The following NMS variants were observed in gnomAD, a reference collection of about 807,000 sequenced individuals.
NMS encodes neuromedin S, also known as neuromedin-S.
A neutral mutation model predicts 32.2 loss-of-function variants in NMS; 30 were observed. The observed-to-expected ratio is 0.93, with a 90% CI of 0.70 to 1.26. The LOEUF (loss-of-function observed/expected upper bound fraction) is 1.26. NMS is among the 50% of genes most tolerant of loss of function. NMS has a pLI of 0.00. For synonymous variants in NMS, 76 were observed against 58.5 expected (o/e 1.30, Z -1.37); for missense variants, 190 against 186.3 (o/e 1.02, Z -0.12).
At chr2:100,474,822 T>C (rs925429397) in intron 3 of NMS, among the ~76,000 whole-genome samples, 1 of 152,238 alleles carries the variant, frequency 6.6e-6, no homozygotes, top group Non-Finnish European at 1.5e-5. Flanking sequence ...ACTATGCATA[T>C]GTTTGAAGGC....
intron 4 of NMS, 21 bp from the exon 5 acceptor site, chr2:100,477,340 T>C (rs1677131060): frequency 6.2e-7 from 1 of 1,612,460 alleles, no homozygotes; most frequent in South Asian, 1.1e-5. Flanking sequence ...GATACTAATA[T>C]CACTTTCTTT....
intron 9 of NMS, 141 bp from the exon 10 acceptor site, chr2:100,483,111 G>A: frequency 1.4e-6 from 1 of 712,528 alleles, no homozygotes; most frequent in South Asian, 1.9e-5. Flanking sequence ...ACTGATTGTG[G>A]GGAAAGCAAC....
chr2:100,478,387 G>GA (rs1056771598), intron 5 of NMS, among the ~76,000 whole-genome samples: 2 of 152,116 alleles, frequency 1.3e-5, no homozygotes, highest in Non-Finnish European at 2.9e-5. Context: ...AAATAACCAG[G>GA]AAAAAAATGT....
At chr2:100,480,419 G>A in intron 6 of NMS, 77 bp from the exon 7 acceptor site, 2 of 1,442,552 alleles carry the variant, frequency 1.4e-6, no homozygotes, top group South Asian at 1.2e-5. Context: ...AGGCAGGGAG[G>A]GCAGGATCAC....
rs17024405 is a variant in NMS, at chr2:100,482,253, A to G, written c.415-24A>G. The G allele has an allele frequency of 7.2e-3, 11,628 of 1,612,558 alleles. 668 individuals carry two copies. In the African/African-American group the frequency reaches 0.13, roughly 18 times the overall value. ...TGCAGAAAGTTGTGTCTCAGTATTC[A>G]TAAGTTGCTCCTTTTTTTTTCAGCC... is the stretch of plus-strand genomic sequence containing the variant. On this transcript the variant is annotated intron_variant, in intron 8 of 9. Transcript: ENST00000376865.
Position 100,477,260 on chromosome 2 carries a change from A to T in NMS, c.200A>T (p.Tyr67Phe), listed in dbSNP as rs1303378158. The stretch of plus-strand genomic sequence containing the variant: ...TCTTTCCAGGATAATCAAGACATAT[A>T]CAAAAGGGTGAGTACCACCTAGCCC... The part of the protein sequence containing the change: ...SRQPKDNQDI[Y>F]KRFLFHYSRT... Residue 67 changes from tyrosine (Y) to phenylalanine (F), a missense_variant, in exon 4 of 10, where the codon TAC becomes TTC. Coordinates refer to ENST00000376865, the MANE Select transcript of NMS (RefSeq NM_001011717.1). 18 of 1,613,552 alleles carry T rather than the reference A, an allele frequency of 1.1e-5. No homozygotes were observed. Among genetic ancestry groups the T allele is most frequent in the Non-Finnish European group, 1.5e-5 (18 of 1,179,600 alleles).
At chr2:100,478,652 C>T (rs1405066380) in intron 5 of NMS, among the ~76,000 whole-genome samples, 5 of 151,622 alleles carry the variant, frequency 3.3e-5, no homozygotes, top group Non-Finnish European at 5.9e-5. Context: ...TTAATAAAGA[C>T]GGGGTTTCAC....
At chr2:100,477,826 G>A (rs1033103968) in intron 5 of NMS, among the ~76,000 whole-genome samples, 1 of 152,152 alleles carries the variant, frequency 6.6e-6, no homozygotes, top group Non-Finnish European at 1.5e-5. Flanking sequence ...TTCCGTGGCT[G>A]TCGCGATGTG....
In NMS at chr2:100,479,375, T is replaced by G. The variant is rs1223350627; in HGVS notation, c.284T>G (p.Met95Arg). 1.9e-6 allele frequency: 3 copies of G among 1,611,146 alleles called. No homozygotes were observed. The highest frequency in any genetic ancestry group is 2.5e-6 in the Non-Finnish European group (3 of 1,178,732). The change falls in exon 6 of 10, where the codon ATG becomes AGG. Residue 95 changes from methionine (M) to arginine (R), a missense_variant. Met to Arg is a moderately conservative substitution (Grantham distance 91). Coordinates refer to ENST00000376865, the MANE Select transcript of NMS (RefSeq NM_001011717.1). ...KTGFPPVHPL[M>R]HLAAKLANRR... ...CAGTTTCCTCCAGTGCATCCTCTAA[T>G]GCACCTGGCTGCCAAGCTCGCCAAC...
In NMS at chr2:100,481,140, C is replaced by G. The variant is rs766239308; in HGVS notation, c.387C>G (p.Thr129=). 7 of 1,614,130 alleles carry G rather than the reference C, an allele frequency of 4.3e-6. No individual in the cohort carries two copies. The highest frequency in any genetic ancestry group is 5.9e-6 in the Non-Finnish European group (7 of 1,179,992). The change falls in exon 8 of 10, where the codon ACC becomes ACG. Residue 129 remains threonine (T), a synonymous_variant. Transcript: ENST00000376865. The part of the protein sequence containing the change: ...VDFTKKDHTA[T]WGRPFFLFRP... ...ATATGTTGCAGGATCACACTGCGACCTGGGGACGACCCTTTTTCCTTTTCA... is the reference window on the plus strand; with the variant it reads ...ATATGTTGCAGGATCACACTGCGACGTGGGGACGACCCTTTTTCCTTTTCA...
intron 7 of NMS, 24 bp from the exon 8 acceptor site, chr2:100,481,102 G>A: frequency 6.2e-7 from 1 of 1,613,654 alleles, no homozygotes; most frequent in Non-Finnish European, 8.5e-7. Flanking sequence ...GTTGCATAAT[G>A]GCTTGTGTTT....
intron 1 of NMS, among the ~76,000 whole-genome samples, chr2:100,471,158 GA>G (rs1236726712): frequency 1.3e-5 from 2 of 152,190 alleles, no homozygotes; most frequent in African/African-American, 4.8e-5. Context: ...AGCTTCTAGG[GA>G]ACAGGGGTGG....
intron 1 of NMS, 119 bp downstream of exon 1, chr2:100,470,683 C>T: frequency 1.2e-6 from 1 of 811,758 alleles, no homozygotes; most frequent in South Asian, 1.4e-5. Context: ...GCCAGACCTT[C>T]TTGATTTCTG....
intron 6 of NMS, among the ~76,000 whole-genome samples, chr2:100,480,249 G>A (rs1482744462): frequency 6.6e-6 from 1 of 152,250 alleles, no homozygotes; most frequent in African/African-American, 2.4e-5. Context: ...GGAGGAGCAA[G>A]CAAACTTAAC....
Position 100,479,425 on chromosome 2 carries a change from C to T in NMS, c.334C>T (p.Arg112Ter), listed in dbSNP as rs547207989. 82 of 1,609,274 alleles carry T rather than the reference C, an allele frequency of 5.1e-5. No individual in the cohort carries two copies. In the South Asian group the frequency reaches 5.2e-4, roughly 10 times the overall value. Residue 112 changes from arginine (R) to a stop codon, truncating the protein, a stop_gained and splice_region_variant, in exon 6 of 10, where the codon CGA (arginine) becomes TGA (stop). Transcript: ENST00000376865. LOFTEE classifies it high-confidence loss of function. ...CAGGCGGATGAAGAGAATTCTGCAGCGAGTACGTGCTTTTATTCTTCCACC... is the reference window on the plus strand; with the variant it reads ...CAGGCGGATGAAGAGAATTCTGCAGTGAGTACGTGCTTTTATTCTTCCACC... ...ANRRMKRILQRGSGTAAVDFT... is the reference protein window; with the variant it reads ...ANRRMKRILQ
chr2:100,477,325 C>T (rs761796241), intron 4 of NMS, 36 bp from the exon 5 acceptor site: 2 of 1,606,344 alleles, frequency 1.2e-6, no homozygotes, highest in African/African-American at 1.3e-5. Flanking sequence ...GAGCAAGTGA[C>T]ACTCGATACT....
At position 100,483,238 on chromosome 2, in the gene NMS, T is replaced by C. The variant is rs1558670777; in HGVS notation, c.450-14T>C. 6.2e-7 allele frequency: 1 copy of C among 1,611,874 alleles called. No individual in the cohort carries two copies. The highest frequency in any genetic ancestry group is 8.5e-7 in the Non-Finnish European group (1 of 1,178,342). ...ATTTGAACTGAGCAGTGCATTTTTC[T>C]TTTCTTTTTTTAGGATTCAGTGGTG... On this transcript the variant is annotated splice_polypyrimidine_tract_variant and intron_variant, in intron 9 of 9. Transcript: ENST00000376865.
At chr2:100,474,165 A>C (rs575680305) in intron 3 of NMS, among the ~76,000 whole-genome samples, 1 of 152,292 alleles carries the variant, frequency 6.6e-6, no homozygotes, top group South Asian at 2.1e-4. Flanking sequence ...ACTCTATCTC[A>C]CCAAAATGAA....
chr2:100,474,125 A>G (rs939023737), intron 3 of NMS, among the ~76,000 whole-genome samples: 23 of 152,192 alleles, frequency 1.5e-4, no homozygotes, highest in African/African-American at 5.6e-4. Context: ...AGATCATGCC[A>G]CCACACTCCA....
Sources: allele counts gnomAD v4.1 joint callset (sites outside exome capture counted in the v4.1 genomes callset), GRCh38; gene constraint gnomAD v4.1.1; transcripts MANE v1.5; gene names NCBI Gene and HGNC (gene_info 2026-07-23, HGNC 2026-07-21).